The following CRYBG3 variants were observed in gnomAD, a reference collection of about 807,000 sequenced individuals.
CRYBG3 encodes the protein crystallin beta-gamma domain containing 3, also known as very large A-kinase anchor protein.
A neutral mutation model predicts 244.2 loss-of-function variants in CRYBG3; 127 were observed. That is an observed-to-expected ratio of 0.52 (90% confidence interval 0.45 to 0.60). The LOEUF (loss-of-function observed/expected upper bound fraction) is 0.60, where lower values mean the gene tolerates loss of function less well. CRYBG3 is among the 20% of genes least tolerant of loss of function. The pLI, the probability that CRYBG3 is intolerant of heterozygous loss-of-function variation, is 0.00. For missense variants in CRYBG3, 3,325 were observed against 3,442.5 expected, an observed-to-expected ratio of 0.97 and a Z score of 0.85; for synonymous variants, 1,132 against 1,195.8, an observed-to-expected ratio of 0.95 and a Z score of 1.10.
At chr3:97,869,739 G>T (rs1437784210) in intron 3 of CRYBG3, among the ~76,000 whole-genome samples, 3 of 152,038 alleles carry the variant, frequency 2.0e-5, no homozygotes, top group African/African-American at 7.2e-5. Flanking sequence ...ATCTCCTTTA[G>T]TGCTTTATAA....
chr3:97,849,356 C>T (rs1225151981), intron 2 of CRYBG3, among the ~76,000 whole-genome samples: 4 of 151,936 alleles, frequency 2.6e-5, no homozygotes, highest in Admixed American at 6.6e-5. Context: ...TTCTGCATAA[C>T]GTTTGAGAAG....
At chr3:97,907,236 G>T (rs548537508) in intron 15 of CRYBG3, among the ~76,000 whole-genome samples, 5 of 152,230 alleles carry the variant, frequency 3.3e-5, no homozygotes, top group South Asian at 4.2e-4. Flanking sequence ...GCCTGGCTTT[G>T]GTATCAGAAT....
At position 97,896,061 on chromosome 3, in the gene CRYBG3, C is replaced by G; in HGVS notation, c.7677C>G (p.Ile2559Met). Residue 2559 changes from isoleucine (I) to methionine (M), a missense_variant, in exon 12 of 22, where the codon ATC becomes ATG. This residue lies in a region of CRYBG3 where 714 missense variants were observed against 803.6 expected (regional missense o/e 0.89). Transcript: ENST00000389622. ...CTTGTGGTGCATTAAGTAGCCCTATCTTGTCTTTCCGGTACTTACAAGCTG... is the reference window on the plus strand; with the variant it reads ...CTTGTGGTGCATTAAGTAGCCCTATGTTGTCTTTCCGGTACTTACAAGCTG... Reference protein sequence around the residue: ...SNACGALSSPILSFRYLQANF... With the variant: ...SNACGALSSPMLSFRYLQANF... 1 of 1,612,588 alleles carries G rather than the reference C, an allele frequency of 6.2e-7. No homozygotes were observed. Among genetic ancestry groups the G allele is most frequent in the Non-Finnish European group, 8.5e-7 (1 of 1,179,250 alleles).
At chr3:97,908,392 T>A (rs1158928315) in intron 15 of CRYBG3, among the ~76,000 whole-genome samples, 1 of 152,240 alleles carries the variant, frequency 6.6e-6, no homozygotes, top group East Asian at 1.9e-4. Context: ...AAGTCTCTTT[T>A]TAGGTCACTC....
chr3:97,926,815 T>G (rs887689180), intron 17 of CRYBG3, among the ~76,000 whole-genome samples: 7 of 151,952 alleles, frequency 4.6e-5, no homozygotes, highest in African/African-American at 1.7e-4. Context: ...GCAATTCCAT[T>G]CACAATAGAC....
chr3:97,908,239 G>C (rs1282735923), intron 15 of CRYBG3, among the ~76,000 whole-genome samples: 1 of 152,218 alleles, frequency 6.6e-6, no homozygotes, highest in African/African-American at 2.4e-5. Context: ...TTGGGGTGGA[G>C]AGTTCTGTAG....
At chr3:97,918,539 G>A (rs1168895505) in intron 17 of CRYBG3, among the ~76,000 whole-genome samples, 1 of 152,118 alleles carries the variant, frequency 6.6e-6, no homozygotes, top group African/African-American at 2.4e-5. Context: ...AAGTATCCTG[G>A]TCATATTTCT....
intron 9 of CRYBG3, among the ~76,000 whole-genome samples, chr3:97,888,820 T>C (rs1201377142): frequency 6.6e-6 from 1 of 152,156 alleles, no homozygotes; most frequent in East Asian, 1.9e-4. Flanking sequence ...AAGAGTTGCT[T>C]TTTATGCTGT....
chr3:97,844,482 C>G (rs954040554), intron 2 of CRYBG3, among the ~76,000 whole-genome samples: 1 of 152,158 alleles, frequency 6.6e-6, no homozygotes, highest in Non-Finnish European at 1.5e-5. Context: ...TTCCAAGTTT[C>G]TTTGGTTATC....
Position 97,941,257 on chromosome 3 carries a change from G to A in CRYBG3, c.8615G>A (p.Gly2872Glu). The A allele has an allele frequency of 6.2e-7, 1 of 1,611,354 alleles. No homozygotes were observed. The highest frequency in any genetic ancestry group is 8.5e-7 in the Non-Finnish European group (1 of 1,178,084). ...TCTGTGTGCATTTCTCCCTATAGTG[G>A]AAAGAATACTCAGATCTGGTACTAC... ...ATSVCISPYSGKNTQIWYYCR... is the reference protein window; with the variant it reads ...ATSVCISPYSEKNTQIWYYCR... Residue 2872 changes from glycine to glutamate, a missense_variant, in exon 20 of 22, where the codon GGA (glycine) becomes GAA (glutamate). Transcript: ENST00000389622.
At chr3:97,931,472 C>T (rs2040096182) in intron 17 of CRYBG3, among the ~76,000 whole-genome samples, 1 of 152,062 alleles carries the variant, frequency 6.6e-6, no homozygotes, top group South Asian at 2.1e-4. Flanking sequence ...GTTCTAGTTT[C>T]CTTGCATTTC....
intron 1 of CRYBG3, among the ~76,000 whole-genome samples, chr3:97,838,289 T>G (rs1219480424): frequency 6.6e-6 from 1 of 152,144 alleles, no homozygotes; most frequent in Non-Finnish European, 1.5e-5. Context: ...TAGCCACACT[T>G]AACATCTTTA....
chr3:97,879,135 C>T (rs757250600), intron 4 of CRYBG3, among the ~76,000 whole-genome samples: 7 of 152,106 alleles, frequency 4.6e-5, no homozygotes, highest in Non-Finnish European at 1.0e-4. Context: ...CAAGTGGCAC[C>T]TCTTAACTCT....
At chr3:97,920,047 G>T (rs1559744321) in intron 17 of CRYBG3, among the ~76,000 whole-genome samples, 1 of 152,024 alleles carries the variant, frequency 6.6e-6, no homozygotes, top group Non-Finnish European at 1.5e-5. Flanking sequence ...TGGGATTACA[G>T]GTACAAACCA....
At chr3:97,939,745 T>C (rs2040204844) in intron 19 of CRYBG3, among the ~76,000 whole-genome samples, 1 of 152,090 alleles carries the variant, frequency 6.6e-6, no homozygotes, top group South Asian at 2.1e-4. Flanking sequence ...GGCTGAATTA[T>C]AGACATTTAA....
intron 18 of CRYBG3, among the ~76,000 whole-genome samples, chr3:97,934,539 T>TA (rs1027906929): frequency 1.3e-5 from 2 of 151,960 alleles, no homozygotes; most frequent in Admixed American, 1.3e-4. Flanking sequence ...TGACGGTTAA[T>TA]AAAAAAATGG....
chr3:97,874,340 A>G lies in CRYBG3; in HGVS notation c.3146A>G (p.Asn1049Ser). Residue 1049 changes from asparagine to serine, a missense_variant, in exon 4 of 22, where the codon AAC (asparagine) becomes AGC (serine). By Grantham distance (46) the Asn-to-Ser change is conservative. Transcript: ENST00000389622. ...TCCTCATCTTACAGAAAGAAAGAGAACATCCATTTTTTAAATGGTGGTATT... is the reference window on the plus strand; with the variant it reads ...TCCTCATCTTACAGAAAGAAAGAGAGCATCCATTTTTTAAATGGTGGTATT... ...KKSSSYRKKE[N>S]IHFLNGGIDS... is the part of the protein sequence containing the mutation. The G allele has an allele frequency of 6.5e-7, 1 of 1,527,062 alleles. No homozygotes were observed. Among genetic ancestry groups the G allele is most frequent in the Non-Finnish European group, 8.7e-7 (1 of 1,144,524 alleles). The allele number at this position is 1,527,062 out of a possible 1,614,324, so 94.6% of individuals were successfully genotyped here.
chr3:97,874,026 A>G lies in CRYBG3; in HGVS notation c.2832A>G (p.Leu944=). Residue 944 remains leucine (L), a synonymous_variant, in exon 4 of 22, where the codon TTA becomes TTG. Coordinates refer to ENST00000389622, the MANE Select transcript of CRYBG3 (RefSeq NM_153605.4). ...TTAAAAGTAATATATCTTGGATTTT[A>G]CCACCTATTCATGATGAAAAAATCA... is the stretch of plus-strand genomic sequence containing the variant. ...ALLKSNISWI[L]PPIHDEKISR... 3.9e-6 allele frequency: 6 copies of G among 1,535,714 alleles called. No individual in the cohort carries two copies. Among genetic ancestry groups the G allele is most frequent in the Non-Finnish European group, 5.2e-6 (6 of 1,146,790 alleles).
chr3:97,866,918 T>C (rs1273907785), intron 3 of CRYBG3: 1 of 152,230 alleles, frequency 6.6e-6, no homozygotes, highest in Non-Finnish European at 1.5e-5. Flanking sequence ...TTGACTGAGA[T>C]GCCGGCTTCC....
Sources: gnomAD v4.1 joint callset for allele counts (sites outside exome capture counted in the v4.1 genomes callset) on GRCh38, gnomAD v4.1.1 for gene constraint, gnomAD v4.1.1 regional missense constraint, MANE v1.5 for transcripts, NCBI Gene and HGNC (gene_info 2026-07-23, HGNC 2026-07-21) for gene names.